The following DPP6 variants were observed in gnomAD, a reference collection of about 807,000 sequenced individuals.
The protein encoded by DPP6 is A-type potassium channel modulatory protein DPP6.
A neutral mutation model predicts 122.6 loss-of-function variants in DPP6; 69 were observed. That is an observed-to-expected ratio of 0.56 (90% confidence interval 0.46 to 0.69). The LOEUF is 0.69. Among genes scored for constraint, DPP6 ranks in the 30% least tolerant of loss-of-function variants. DPP6 has a pLI of 0.00. For synonymous variants in DPP6, 418 were observed against 433.1 expected, an observed-to-expected ratio of 0.97 and a Z score of 0.43; for missense variants, 928 against 1,116.9, an observed-to-expected ratio of 0.83 and a Z score of 2.41.
the DPP6 span, among the ~76,000 whole-genome samples, chr7:153,847,355 T>G: frequency 6.6e-6 from 1 of 152,188 alleles, no homozygotes; most frequent in African/African-American, 2.4e-5. Context: ...AATAGTGGTG[T>G]TTGATTCTTT....
At chr7:154,198,238 A>T (rs10237186) in intron 1 of DPP6, among the ~76,000 whole-genome samples, 1,740 of 152,220 alleles carry the variant, frequency 0.011, 44 homozygotes, top group African/African-American at 0.039. Context: ...CCCTTCGCCC[A>T]TTCTGTCTTA....
chr7:154,120,406 A>G lies in DPP6; in HGVS notation c.243+67343A>G, dbSNP rs185829283. 8.4e-3 allele frequency among the ~76,000 whole-genome samples: 1,270 copies of G among 151,952 alleles called. 9 individuals are homozygous for G. Among genetic ancestry groups the G allele is most frequent in the Middle Eastern group, 0.031 (9 of 292 alleles). The stretch of plus-strand genomic sequence containing the variant: ...AATACAGGTGTCCGCCACCATGCCC[A>G]GCTAATTTTTTTTATTTTTAGTAGA... On this transcript the variant is annotated intron_variant, in intron 1 of 25. Transcript: ENST00000377770.
At chr7:154,596,967 C>T (rs6597419) in intron 5 of DPP6, among the ~76,000 whole-genome samples, 90,013 of 151,880 alleles carry the variant, frequency 0.59, 27,146 homozygotes, top group African/African-American at 0.7. Flanking sequence ...CTGATGTCAC[C>T]CAGGTGGTTA....
intron 1 of DPP6, among the ~76,000 whole-genome samples, chr7:154,120,084 C>G (rs1807326546): frequency 6.6e-6 from 1 of 152,192 alleles, no homozygotes; most frequent in Non-Finnish European, 1.5e-5. Context: ...TTGAGAGTTT[C>G]ACTCTCAAGT....
At chr7:154,596,362 G>A (rs1005202138) in intron 5 of DPP6, among the ~76,000 whole-genome samples, 4 of 152,218 alleles carry the variant, frequency 2.6e-5, no homozygotes, top group African/African-American at 9.6e-5. Context: ...GGAGAGGCAC[G>A]ACTCGCAAGT....
At chr7:154,684,864 T>C (rs1392589899) in intron 7 of DPP6, among the ~76,000 whole-genome samples, 1 of 152,240 alleles carries the variant, frequency 6.6e-6, no homozygotes, top group African/African-American at 2.4e-5. Context: ...CTACTTCCTG[T>C]AAATCTAATC....
At chr7:154,810,826 A>G (rs1181993843) in intron 16 of DPP6, among the ~76,000 whole-genome samples, 1 of 152,044 alleles carries the variant, frequency 6.6e-6, no homozygotes, top group Admixed American at 6.6e-5. Context: ...CACCTCCACA[A>G]TCTCACCTTC....
intron 20 of DPP6, among the ~76,000 whole-genome samples, chr7:154,878,382 A>C (rs996657045): frequency 6.6e-6 from 1 of 152,196 alleles, no homozygotes; most frequent in Non-Finnish European, 1.5e-5. Flanking sequence ...AAACCACCGA[A>C]GCTCAAAGAA....
intron 1 of DPP6, among the ~76,000 whole-genome samples, chr7:154,442,282 A>T (rs1241979680): frequency 6.6e-6 from 1 of 152,208 alleles, no homozygotes; most frequent in East Asian, 1.9e-4. Context: ...GCATTATGAT[A>T]ATATATTAAT....
In DPP6 at chr7:154,892,513, T is replaced by C. The variant is rs760316450; in HGVS notation, c.*33T>C. The C allele has an allele frequency of 8.1e-6, 13 of 1,611,248 alleles. No homozygotes were observed. The South Asian group carries it at 1.2e-4, about 15-fold the overall frequency. On this transcript the variant is annotated 3_prime_UTR_variant, in exon 26 of 26. Transcript: ENST00000377770. ...TCGCTCTAAGCACAAACGTGGCTCT[T>C]TCTACAACCAGATGCAACCGAGGGA...
At chr7:154,175,988 A>G (rs1797784206) in intron 1 of DPP6, among the ~76,000 whole-genome samples, 1 of 152,146 alleles carries the variant, frequency 6.6e-6, no homozygotes, top group African/African-American at 2.4e-5. Flanking sequence ...ATGCCCAGCC[A>G]GAGGCTGGCT....
intron 3 of DPP6, among the ~76,000 whole-genome samples, chr7:154,503,664 C>A (rs1488368375): frequency 7.2e-6 from 1 of 139,346 alleles, no homozygotes; most frequent in African/African-American, 2.6e-5. Context: ...CTCATAGCCA[C>A]AACATTTAAG....
At chr7:154,652,522 T>TA (rs1311592840) in intron 6 of DPP6, among the ~76,000 whole-genome samples, 1 of 152,052 alleles carries the variant, frequency 6.6e-6, no homozygotes, top group African/African-American at 2.4e-5. Context: ...AGGGAGCGTT[T>TA]ATCAGGGACC....
intron 1 of DPP6, among the ~76,000 whole-genome samples, chr7:153,964,158 G>A (rs1317274005): frequency 1.3e-5 from 2 of 151,974 alleles, no homozygotes; most frequent in African/African-American, 2.4e-5. Flanking sequence ...ACCACGCCTG[G>A]CCAATTTTTG....
intron 1 of DPP6, among the ~76,000 whole-genome samples, chr7:154,330,461 G>C (rs980866828): frequency 6.6e-6 from 1 of 152,176 alleles, no homozygotes; most frequent in Non-Finnish European, 1.5e-5. Flanking sequence ...TGGGAATAAG[G>C]TCCTGTGAGA....
chr7:154,833,412 A>G lies in DPP6; in HGVS notation c.1667-20368A>G, dbSNP rs143241235. On this transcript the variant is annotated intron_variant, in intron 16 of 25. Transcript: ENST00000377770. This position sits in a 1 kb window ranked among gnomAD's most constrained non-coding sequence, Gnocchi z 4.3. ...AAAGGCAGACAACCCCTCATCGAGA[A>G]GGAGCAAGAAGTGACTTCTGTGTGC... Among the ~76,000 whole-genome samples the G allele has an allele frequency of 5.9e-5, 9 of 152,346 alleles. No homozygotes were observed. The East Asian group carries it at 1.7e-3, about 29-fold the overall frequency.
At chr7:153,771,413 C>T in the DPP6 span, among the ~76,000 whole-genome samples, 2 of 152,344 alleles carry the variant, frequency 1.3e-5, no homozygotes, top group East Asian at 1.9e-4. Context: ...GATCTGGCCT[C>T]ACTGTAACCT....
chr7:154,825,067 G>T (rs564775318), intron 16 of DPP6, among the ~76,000 whole-genome samples: 1 of 152,118 alleles, frequency 6.6e-6, no homozygotes, highest in South Asian at 2.1e-4. Context: ...TTCTTTTGGC[G>T]AAATGAAACA....
At chr7:154,422,353 C>A (rs1025736901) in intron 1 of DPP6, among the ~76,000 whole-genome samples, 2 of 152,112 alleles carry the variant, frequency 1.3e-5, no homozygotes, top group African/African-American at 4.8e-5. Flanking sequence ...AGAAGCTTCC[C>A]ATAGAAGCAA....
Sources: gnomAD v4.1 joint callset for allele counts (sites outside exome capture counted in the v4.1 genomes callset) on GRCh38, gnomAD v4.1.1 for gene constraint, Gnocchi (gnomAD v3.1) non-coding constraint, MANE v1.5 for transcripts, NCBI Gene and HGNC (gene_info 2026-07-23, HGNC 2026-07-21) for gene names.